The following CELF2 variants were observed in gnomAD, a reference collection of about 807,000 sequenced individuals.
CELF2 encodes the protein CUGBP Elav-like family member 2, also known as CUG triplet repeat RNA-binding protein 2.
In CELF2, 8 loss-of-function variants were observed where a neutral mutation model predicts 62.6. That is an observed-to-expected ratio of 0.13 (90% CI 0.07 to 0.23). The LOEUF is 0.23. Ranked by LOEUF, CELF2 falls within the 10% of genes least tolerant of loss-of-function variation. CELF2 has a pLI of 1.00. For synonymous variants in CELF2, 258 were observed against 250.0 expected (o/e 1.03, Z -0.30); for missense variants, 333 against 671.0 (o/e 0.50, Z 5.56).
chr10:10,656,815 T>C, the CELF2 span, among the ~76,000 whole-genome samples: 1 of 146,564 alleles, frequency 6.8e-6, no homozygotes, highest in South Asian at 2.4e-4. Flanking sequence ...GGCACATGTA[T>C]ACATATGTAA....
At chr10:11,249,290 T>A (rs1360818908) in intron 4 of CELF2, 89 bp downstream of exon 4, 2 of 1,044,352 alleles carry the variant, frequency 1.9e-6, no homozygotes, top group Non-Finnish European at 3.0e-6. Context: ...CCGGCCCAGC[T>A]GCTTTTCTCT....
intron 1 of CELF2, among the ~76,000 whole-genome samples, chr10:10,854,432 C>T (rs78909207): frequency 0.012 from 1,890 of 152,278 alleles, 41 homozygotes; most frequent in African/African-American, 0.043. Flanking sequence ...CGTTTATTCT[C>T]GAAGTGAGTT....
At chr10:10,478,256 C>T in the CELF2 span, among the ~76,000 whole-genome samples, 24 of 152,266 alleles carry the variant, frequency 1.6e-4, no homozygotes, top group African/African-American at 5.8e-4. Context: ...GAGTTTCCAC[C>T]CACTGAAGGC....
At chr10:10,554,533 A>G in the CELF2 span, among the ~76,000 whole-genome samples, 132 of 152,092 alleles carry the variant, frequency 8.7e-4, 3 homozygotes, top group Non-Finnish European at 3.7e-4. Context: ...TTCTTTTTGT[A>G]TCAGTCAGTT....
At chr10:10,651,687 A>C in the CELF2 span, among the ~76,000 whole-genome samples, 23 of 151,182 alleles carry the variant, frequency 1.5e-4, no homozygotes, top group Admixed American at 9.9e-4. Flanking sequence ...AAACTAACAA[A>C]CAGAAAAGAC....
At chr10:10,503,601 CCA>C in the CELF2 span, among the ~76,000 whole-genome samples, 1 of 151,820 alleles carries the variant, frequency 6.6e-6, no homozygotes, top group Non-Finnish European at 1.5e-5. Context: ...GCTGCTTATA[CCA>C]TTATGTTTTA....
chr10:11,094,792 A>G (rs556035345), intron 1 of CELF2, among the ~76,000 whole-genome samples: 35 of 152,358 alleles, frequency 2.3e-4, no homozygotes, highest in Middle Eastern at 3.4e-3. Flanking sequence ...TACCTTAGCC[A>G]TCGAATGAAC....
intron 1 of CELF2, among the ~76,000 whole-genome samples, chr10:11,142,272 C>A (rs1297397462): frequency 2.6e-5 from 4 of 152,110 alleles, no homozygotes; most frequent in South Asian, 2.1e-4. Flanking sequence ...TGTCCAGAGG[C>A]AGACAACAGG....
At chr10:10,648,041 A>G in the CELF2 span, among the ~76,000 whole-genome samples, 2 of 152,160 alleles carry the variant, frequency 1.3e-5, no homozygotes, top group Admixed American at 6.5e-5. Context: ...TCATGTACAA[A>G]TTTACTTACC....
At position 11,328,881 on chromosome 10, in the gene CELF2, C is replaced by T. The variant is rs2132777471; in HGVS notation, c.1439-45C>T. ...CTCCAGCCCCCTTTTCTGTTTTCTGCTGGGCTTCCTCTCCAGGCTGACTCC... is the reference window on the plus strand; with the variant it reads ...CTCCAGCCCCCTTTTCTGTTTTCTGTTGGGCTTCCTCTCCAGGCTGACTCC... On this transcript the variant is annotated intron_variant, in intron 12 of 12. Transcript: ENST00000633077. The surrounding 1 kb of genome is among the most constrained non-coding windows in gnomAD (Gnocchi z 6.4). The T allele has an allele frequency of 6.3e-7, 1 of 1,582,018 alleles. No homozygotes were observed. Among genetic ancestry groups the T allele is most frequent in the Non-Finnish European group, 8.6e-7 (1 of 1,160,460 alleles).
At chr10:11,271,508 T>TTGAGAGCGGC (rs760194399) in intron 7 of CELF2, among the ~76,000 whole-genome samples, 4 of 152,222 alleles carry the variant, frequency 2.6e-5, no homozygotes, top group Non-Finnish European at 5.9e-5. Context: ...TGAATGGAGC[T>TTGAGAGCGGC]TGAGAGCGGC....
chr10:10,898,556 T>C (rs1162416207), intron 1 of CELF2, among the ~76,000 whole-genome samples: 1 of 152,208 alleles, frequency 6.6e-6, no homozygotes, highest in African/African-American at 2.4e-5. Flanking sequence ...AAATGGTCAG[T>C]TTATCAGCTA....
intron 9 of CELF2, among the ~76,000 whole-genome samples, chr10:11,308,381 A>G (rs1255611541): frequency 6.6e-6 from 1 of 152,070 alleles, no homozygotes; most frequent in Non-Finnish European, 1.5e-5. Context: ...CACACTTTAC[A>G]TGTGTGTGAG....
chr10:10,686,843 C>T, the CELF2 span, among the ~76,000 whole-genome samples: 3 of 152,152 alleles, frequency 2.0e-5, no homozygotes, highest in African/African-American at 7.2e-5. Flanking sequence ...GTCAGATTTG[C>T]ACTACAAAAG....
the CELF2 span, among the ~76,000 whole-genome samples, chr10:10,585,294 G>A: frequency 6.6e-6 from 1 of 152,102 alleles, no homozygotes; most frequent in Non-Finnish European, 1.5e-5. Context: ...TAAGTCTGCG[G>A]ACAAGAAAAC....
intron 1 of CELF2, among the ~76,000 whole-genome samples, chr10:11,055,308 A>G (rs1164938322): frequency 1.3e-5 from 2 of 152,174 alleles, no homozygotes; most frequent in African/African-American, 2.4e-5. Flanking sequence ...CCACATTGAT[A>G]CCCATTATTC....
the CELF2 span, among the ~76,000 whole-genome samples, chr10:10,672,368 A>T: frequency 3.3e-5 from 5 of 152,258 alleles, no homozygotes; most frequent in South Asian, 4.1e-4. Flanking sequence ...GGAGTTATAT[A>T]GTCATCTAGA....
intron 1 of CELF2, among the ~76,000 whole-genome samples, chr10:11,038,611 C>T (rs1038294266): frequency 1.1e-4 from 17 of 152,144 alleles, no homozygotes; most frequent in East Asian, 9.6e-4. Context: ...ATGCAGTACA[C>T]CACTATAAAA....
chr10:10,510,868 A>G, the CELF2 span, among the ~76,000 whole-genome samples: 1 of 152,174 alleles, frequency 6.6e-6, no homozygotes, highest in Non-Finnish European at 1.5e-5. Context: ...AGCCTTCTAG[A>G]TAGGGGGCAT....
Sources: gnomAD v4.1 joint callset for allele counts (sites outside exome capture counted in the v4.1 genomes callset) on GRCh38, gnomAD v4.1.1 for gene constraint, Gnocchi (gnomAD v3.1) non-coding constraint, MANE v1.5 for transcripts, NCBI Gene and HGNC (gene_info 2026-07-23, HGNC 2026-07-21) for gene names.